The following POU6F2 variants were observed in gnomAD, a reference collection of about 807,000 sequenced individuals.
POU6F2 encodes the protein POU domain, class 6, transcription factor 2.
POU6F2 carries 31 observed loss-of-function variants against 71.3 expected under a neutral mutation model. The ratio of observed to expected loss-of-function variants is 0.43; its 90% confidence interval spans 0.33 to 0.59. The LOEUF is 0.59. POU6F2 is among the 20% of genes least tolerant of loss of function. POU6F2 has a pLI of 0.04. For synonymous variants in POU6F2, 347 were observed against 355.7 expected (o/e 0.98, Z 0.27); for missense variants, 783 against 856.8 (o/e 0.91, Z 1.07).
chr7:39,410,555 T>C (rs1446254033), intron 6 of POU6F2, among the ~76,000 whole-genome samples: 1 of 152,164 alleles, frequency 6.6e-6, no homozygotes, highest in Non-Finnish European at 1.5e-5. Context: ...AGCTGTGGAC[T>C]TGTTTGAATT....
chr7:39,301,230 A>T (rs906277179), intron 4 of POU6F2, among the ~76,000 whole-genome samples: 15 of 152,184 alleles, frequency 9.9e-5, no homozygotes, highest in African/African-American at 4.8e-5. Context: ...GTCTTCCAGC[A>T]TCAGGAAGAA....
Position 39,466,490 on chromosome 7 carries a change from T to C in POU6F2, c.*1804T>C, listed in dbSNP as rs1789075300. On this transcript the variant is annotated 3_prime_UTR_variant, in exon 10 of 10. Transcript: ENST00000518318. The stretch of plus-strand genomic sequence containing the variant: ...CTGTTGAAATGTACATATTTATGCA[T>C]AATTTATAATCATGCTAATGTATTA... 6.6e-6 allele frequency: 1 copy of C among 152,250 alleles called. No individual in the cohort carries two copies. The highest frequency in any genetic ancestry group is 2.1e-4 in the South Asian group (1 of 4,838). The allele number at this position is 152,250 out of a possible 1,614,324, so 9.4% of individuals were successfully genotyped here.
intron 1 of POU6F2, among the ~76,000 whole-genome samples, chr7:39,027,973 T>C (rs941874922): frequency 3.9e-5 from 6 of 152,212 alleles, no homozygotes; most frequent in Non-Finnish European, 7.4e-5. Flanking sequence ...TATTTAGGAA[T>C]CTCCATTGAT....
At chr7:39,180,517 C>T (rs542109457) in intron 2 of POU6F2, among the ~76,000 whole-genome samples, 1 of 152,156 alleles carries the variant, frequency 6.6e-6, no homozygotes, top group South Asian at 2.1e-4. Context: ...GGCTTTGATG[C>T]TCCCAGGGAT....
At chr7:39,258,932 C>G (rs1784080199) in intron 4 of POU6F2, among the ~76,000 whole-genome samples, 1 of 152,124 alleles carries the variant, frequency 6.6e-6, no homozygotes, top group African/African-American at 2.4e-5. Flanking sequence ...TTACACTTCT[C>G]CCAGTATAAC....
intron 4 of POU6F2, among the ~76,000 whole-genome samples, chr7:39,305,110 A>G (rs1362544611): frequency 6.6e-6 from 1 of 152,242 alleles, no homozygotes; most frequent in Non-Finnish European, 1.5e-5. Flanking sequence ...TATGTAACTT[A>G]CAGGCTAAAA....
chr7:39,017,574 C>G (rs571283673), intron 1 of POU6F2, among the ~76,000 whole-genome samples: 1 of 152,242 alleles, frequency 6.6e-6, no homozygotes, highest in Non-Finnish European at 1.5e-5. Context: ...AGGAGTCACT[C>G]CGTAGAGCTG....
intron 6 of POU6F2, among the ~76,000 whole-genome samples, chr7:39,425,020 C>T (rs1787935609): frequency 6.6e-6 from 1 of 152,068 alleles, no homozygotes; most frequent in Non-Finnish European, 1.5e-5. Context: ...ACCTGGGAGA[C>T]GTGTCAATTC....
At chr7:39,131,930 G>A (rs879206694) in intron 2 of POU6F2, among the ~76,000 whole-genome samples, 1 of 152,060 alleles carries the variant, frequency 6.6e-6, no homozygotes, top group Admixed American at 6.5e-5. Context: ...TTTGATGCAG[G>A]CACACAATGC....
intron 4 of POU6F2, among the ~76,000 whole-genome samples, chr7:39,275,875 T>C (rs1432094016): frequency 6.6e-6 from 1 of 151,696 alleles, no homozygotes; most frequent in Non-Finnish European, 1.5e-5. Context: ...CTGGATCCCT[T>C]CCTTACACCT....
intron 1 of POU6F2, among the ~76,000 whole-genome samples, chr7:39,027,323 A>G (rs139330464): frequency 6.6e-6 from 1 of 152,232 alleles, no homozygotes; most frequent in East Asian, 1.9e-4. Context: ...TTCTTTAAAA[A>G]CACTCACTAG....
At chr7:39,230,396 AC>A (rs1183277194) in intron 4 of POU6F2, among the ~76,000 whole-genome samples, 18 of 152,082 alleles carry the variant, frequency 1.2e-4, no homozygotes, top group African/African-American at 4.1e-4. Context: ...GAGGCAAAGG[AC>A]CACATGAGCC....
In POU6F2 at chr7:39,130,756, A is replaced by G. The variant is rs78088543; in HGVS notation, c.277+44725A>G. On this transcript the variant is annotated intron_variant, in intron 2 of 9. Transcript: ENST00000518318. ...GGGCCATGTCCTCAAATGTGCCTGC[A>G]TTTTTGGATGCTAAGTAGAGTCTGG... Among the ~76,000 whole-genome samples the G allele has an allele frequency of 1.2e-3, 179 of 152,236 alleles. 2 individuals carry two copies. Among genetic ancestry groups the G allele is most frequent in the Non-Finnish European group, 2.0e-3 (139 of 68,018 alleles).
intron 4 of POU6F2, among the ~76,000 whole-genome samples, chr7:39,291,650 T>C (rs12701715): frequency 0.46 from 69,944 of 151,966 alleles, 16,900 homozygotes; most frequent in Admixed American, 0.59. Flanking sequence ...TGCAGTGCTT[T>C]AGAGAGAGAG....
intron 5 of POU6F2, among the ~76,000 whole-genome samples, chr7:39,350,015 A>G (rs1368561008): frequency 6.6e-6 from 1 of 152,140 alleles, no homozygotes; most frequent in African/African-American, 2.4e-5. Context: ...CTGCGTTTGT[A>G]TGCTGTCAGC....
chr7:39,073,198 A>T (rs947604713), intron 1 of POU6F2, among the ~76,000 whole-genome samples: 1 of 152,174 alleles, frequency 6.6e-6, no homozygotes, highest in African/African-American at 2.4e-5. Flanking sequence ...ACTAAAGAGG[A>T]TGTAAGTAAA....
intron 2 of POU6F2, among the ~76,000 whole-genome samples, chr7:39,156,665 GTCAT>G (rs1201457708): frequency 6.6e-6 from 1 of 151,910 alleles, no homozygotes; most frequent in Non-Finnish European, 1.5e-5. Flanking sequence ...CTTCTAGACA[GTCAT>G]TCATCTTGTT....
rs190699101 is a variant in POU6F2, at chr7:39,373,587, C to T, written c.973-33013C>T. 1.2e-3 allele frequency: 530 copies of T among 455,266 alleles called. 2 individuals are homozygous for T. Among genetic ancestry groups the T allele is most frequent in the African/African-American group, 9.8e-3 (491 of 50,160 alleles). The allele number at this position is 455,266 out of a possible 1,614,324, so 28.2% of individuals were successfully genotyped here. A position where few individuals can be genotyped will look rare whatever the true frequency, so the allele number is the denominator to read the frequency against. On this transcript the variant is annotated intron_variant, in intron 5 of 9. Transcript: ENST00000518318. ...AAGCACACAGAAAGTGGAGAACTGC[C>T]TACCTAGTCTAGCTAACTGTATGCA...
At chr7:39,345,753 G>C (rs965248764) in intron 5 of POU6F2, among the ~76,000 whole-genome samples, 2 of 152,148 alleles carry the variant, frequency 1.3e-5, no homozygotes, top group African/African-American at 4.8e-5. Context: ...TGGCTAAAAA[G>C]CCAAAGAAAA....
Sources: allele counts gnomAD v4.1 joint callset (sites outside exome capture counted in the v4.1 genomes callset), GRCh38; gene constraint gnomAD v4.1.1; transcripts MANE v1.5; gene names NCBI Gene and HGNC (gene_info 2026-07-23, HGNC 2026-07-21).